NXN: variants seen among roughly 807,000 people sequenced by gnomAD.
NXN encodes the protein nucleoredoxin 1.
NXN carries 16 observed loss-of-function variants against 48.6 expected under a neutral mutation model. The ratio of observed to expected loss-of-function variants is 0.33; its 90% CI spans 0.22 to 0.50. NXN has a LOEUF of 0.50. NXN is among the 20% of genes least tolerant of loss of function. The probability of loss-of-function intolerance (pLI) is 0.98; values close to 1 mark genes in which losing one functional copy is unlikely to be tolerated. For synonymous variants in NXN, 281 were observed against 269.6 expected (o/e 1.04, Z -0.41); for missense variants, 492 against 605.5 (o/e 0.81, Z 1.97).
chr17:973,430 CG>C (rs2069415781), intron 1 of NXN, among the ~76,000 whole-genome samples: 1 of 152,146 alleles, frequency 6.6e-6, no homozygotes, highest in Non-Finnish European at 1.5e-5. Flanking sequence ...TTGCTTTGTG[CG>C]TAATTTCTCT....
At chr17:805,593 T>C (rs1320624171) in intron 5 of NXN, among the ~76,000 whole-genome samples, 6 of 152,058 alleles carry the variant, frequency 3.9e-5, no homozygotes, top group South Asian at 2.1e-4. Flanking sequence ...AACTTAGAGT[T>C]TGGGAGGCTG....
intron 1 of NXN, among the ~76,000 whole-genome samples, chr17:843,776 G>C (rs771576691): frequency 7.9e-5 from 12 of 152,174 alleles, no homozygotes; most frequent in African/African-American, 2.9e-4. Flanking sequence ...AGCACCTTTC[G>C]ACGTGAACGT....
In NXN at chr17:979,557, C is replaced by T; in HGVS notation, c.122G>A (p.Ser41Asn). The change falls in exon 1 of 8, where the codon AGC (serine) becomes AAC (asparagine). Residue 41 changes from serine to asparagine, a missense_variant. Around this residue, in one of 3 missense-constraint regions of NXN, gnomAD observed 186 missense variants for 199.1 expected, o/e 0.93. Coordinates refer to ENST00000336868, the MANE Select transcript of NXN (RefSeq NM_022463.5). ...ISLLGLYFGC[S>N]LSAPCAQLSA... ...GAGCTGCGCGCAGGGGGCGCTGAGG[C>T]TGCAGCCGAAGTAGAGACCCAGCAG... 7.2e-7 allele frequency: 1 copy of T among 1,382,680 alleles called. No individual in the cohort carries two copies. Among genetic ancestry groups the T allele is most frequent in the Non-Finnish European group, 9.4e-7 (1 of 1,062,980 alleles). 85.7% of individuals were successfully genotyped at this position (1,382,680 alleles called of 1,614,324 possible). A position where few individuals can be genotyped will look rare whatever the true frequency, so the allele number is the denominator to read the frequency against.
intron 5 of NXN, among the ~76,000 whole-genome samples, chr17:806,526 G>A (rs1911534569): frequency 6.6e-6 from 1 of 152,004 alleles, no homozygotes; most frequent in African/African-American, 2.4e-5. Flanking sequence ...CCCCACCCAC[G>A]GCCCACCCTT....
intron 1 of NXN, among the ~76,000 whole-genome samples, chr17:977,837 A>G (rs1372696431): frequency 6.6e-6 from 1 of 152,278 alleles, no homozygotes; most frequent in African/African-American, 2.4e-5. Flanking sequence ...AGTACTGGCC[A>G]TGCATATTCA....
At chr17:848,973 C>G (rs2067894673) in intron 1 of NXN, among the ~76,000 whole-genome samples, 2 of 152,230 alleles carry the variant, frequency 1.3e-5, no homozygotes, top group Non-Finnish European at 2.9e-5. Flanking sequence ...TATTGAGCAT[C>G]TCAAACCTAC....
chr17:951,134 C>G (rs147150041), intron 1 of NXN, among the ~76,000 whole-genome samples: 3,649 of 126,914 alleles, frequency 0.029, 81 homozygotes, highest in Middle Eastern at 0.047. Context: ...GTTAGAAGTT[C>G]GAAACCAGCC....
At chr17:852,543 A>G in intron 1 of NXN, among the ~76,000 whole-genome samples, 1 of 152,324 alleles carries the variant, frequency 6.6e-6, no homozygotes, top group East Asian at 1.9e-4. Context: ...AGAAAACCCA[A>G]CACTTCCTTT....
chr17:824,314 T>C (rs1392684150), intron 2 of NXN, among the ~76,000 whole-genome samples: 2 of 152,152 alleles, frequency 1.3e-5, no homozygotes, highest in Non-Finnish European at 2.9e-5. Flanking sequence ...CCCAAAGTGC[T>C]GGAATTACAG....
intron 1 of NXN, among the ~76,000 whole-genome samples, chr17:951,729 C>T (rs1261562540): frequency 1.3e-5 from 2 of 152,040 alleles, no homozygotes; most frequent in Non-Finnish European, 2.9e-5. Flanking sequence ...GGGTGGGGGC[C>T]GGCATTCCTC....
chr17:906,788 C>G (rs1025280758), intron 1 of NXN, among the ~76,000 whole-genome samples: 4 of 151,530 alleles, frequency 2.6e-5, no homozygotes, highest in South Asian at 4.2e-4. Context: ...AGTCTGGTCT[C>G]GAACTCCTGA....
intron 7 of NXN, among the ~76,000 whole-genome samples, chr17:803,305 C>G (rs1423940063): frequency 6.6e-6 from 1 of 152,194 alleles, no homozygotes. Flanking sequence ...ATGAGATCGG[C>G]CCACTGCAGC....
At chr17:915,884 C>T (rs968704278) in intron 1 of NXN, among the ~76,000 whole-genome samples, 2 of 151,984 alleles carry the variant, frequency 1.3e-5, no homozygotes, top group Admixed American at 1.3e-4. Context: ...GCTGGAACTT[C>T]CAGCTGCTCC....
At chr17:950,064 A>G (rs775435865) in intron 1 of NXN, among the ~76,000 whole-genome samples, 41 of 152,336 alleles carry the variant, frequency 2.7e-4, no homozygotes, top group Non-Finnish European at 4.9e-4. Context: ...AAGATTGCTT[A>G]AAAGAAGCCC....
intron 1 of NXN, among the ~76,000 whole-genome samples, chr17:882,861 C>G (rs1423995689): frequency 6.6e-6 from 1 of 152,148 alleles, no homozygotes; most frequent in Non-Finnish European, 1.5e-5. Context: ...CTCCCGGGTT[C>G]AAGCGATTCT....
chr17:965,856 C>T (rs563653854), intron 1 of NXN, among the ~76,000 whole-genome samples: 1 of 151,906 alleles, frequency 6.6e-6, no homozygotes, highest in Non-Finnish European at 1.5e-5. Context: ...GTGACTCACA[C>T]CTATAATCCC....
intron 2 of NXN, among the ~76,000 whole-genome samples, 187 bp from the exon 3 acceptor site, chr17:823,952 C>T (rs1320295567): frequency 6.6e-6 from 1 of 152,022 alleles, no homozygotes; most frequent in African/African-American, 2.4e-5. Flanking sequence ...GCAGCTAACA[C>T]AGGAATCAAA....
chr17:858,791 G>A (rs2068013155), intron 1 of NXN, among the ~76,000 whole-genome samples: 1 of 152,190 alleles, frequency 6.6e-6, no homozygotes, highest in South Asian at 2.1e-4. Flanking sequence ...CACACGAAGG[G>A]TCTGAGATGC....
chr17:979,628 G>T lies in NXN; in HGVS notation c.51C>A (p.Gly17=). 2.7e-6 allele frequency: 4 copies of T among 1,466,002 alleles called. No homozygotes were observed. The highest frequency in any genetic ancestry group is 2.2e-5 in the Admixed American group (1 of 46,030). The allele number at this position is 1,466,002 out of a possible 1,614,324, so 90.8% of individuals were successfully genotyped here. ...ELLGEKLVTG[G]GEEVDVHSLG... ...GCGAGTGCACGTCCACCTCCTCGCC[G>T]CCGCCCGTCACCAGCTTCTCGCCGA... Residue 17 remains glycine, a synonymous_variant, in exon 1 of 8, where the codon GGC becomes GGA. Coordinates refer to ENST00000336868, the MANE Select transcript of NXN (RefSeq NM_022463.5).
Sources: gnomAD v4.1 joint callset for allele counts (sites outside exome capture counted in the v4.1 genomes callset) on GRCh38, gnomAD v4.1.1 for gene constraint, gnomAD v4.1.1 regional missense constraint, MANE v1.5 for transcripts, NCBI Gene and HGNC (gene_info 2026-07-23, HGNC 2026-07-21) for gene names.